Variants in NAPB observed in about 807,000 individuals in gnomAD.
NAPB encodes the protein NSF attachment protein beta.
NAPB carries 26 observed loss-of-function variants against 44.7 expected under a neutral mutation model. The observed-to-expected ratio is 0.58, with a 90% CI of 0.43 to 0.81. NAPB has a LOEUF of 0.81. Ranked by LOEUF, NAPB falls within the 30% of genes least tolerant of loss-of-function variation. The probability of loss-of-function intolerance (pLI) is 0.00; values close to 1 mark genes in which losing one functional copy is unlikely to be tolerated. For synonymous variants in NAPB, 120 were observed against 116.8 expected, an observed-to-expected ratio of 1.03 and a Z score of -0.18; for missense variants, 315 against 356.4, an observed-to-expected ratio of 0.88 and a Z score of 0.94.
In NAPB at chr20:23,381,466, A is replaced by G. The variant is rs1254568390; in HGVS notation, c.562-149T>C. The G allele has an allele frequency of 5.7e-6, 3 of 527,890 alleles. No homozygotes were observed. The African/African-American group carries it at 5.9e-5, about 10-fold the overall frequency. 32.7% of individuals were successfully genotyped at this position (527,890 alleles called of 1,614,324 possible). ...TTATTTTATCCGAATACCATATAGT[A>G]GAAATTTTACTAGACAAGACCATTA... On this transcript the variant is annotated intron_variant, in intron 7 of 10. Coordinates refer to ENST00000377026, the MANE Select transcript of NAPB (RefSeq NM_022080.3).
chr20:23,385,869 A>C (rs1408156503), intron 7 of NAPB, among the ~76,000 whole-genome samples: 3 of 152,254 alleles, frequency 2.0e-5, no homozygotes, highest in Non-Finnish European at 2.9e-5. Flanking sequence ...ATTTATAAAC[A>C]TCACCCAATA....
At chr20:23,390,366 A>C (rs1983857029) in intron 5 of NAPB, 102 bp from the exon 6 acceptor site, 1 of 962,262 alleles carries the variant, frequency 1.0e-6, no homozygotes, top group Non-Finnish European at 1.6e-6. Flanking sequence ...CTACTCTACC[A>C]GCAAACTTTT....
At chr20:23,389,231 T>TAAAAAAAAAAAAAAAAAAA (rs71330886) in intron 7 of NAPB, among the ~76,000 whole-genome samples, 1 of 115,402 alleles carries the variant, frequency 8.7e-6, no homozygotes, top group Non-Finnish European at 1.8e-5. Context: ...GACTATTATT[T>TAAAAAAAAAAAAAAAAAAA]AAAAAAAAAA....
chr20:23,420,939 T>C (rs1462955486), intron 1 of NAPB, among the ~76,000 whole-genome samples: 1 of 142,548 alleles, frequency 7.0e-6, no homozygotes, highest in Non-Finnish European at 1.5e-5. Context: ...GGGGGCGTGT[T>C]AGGGGATCCG....
chr20:23,399,111 G>A (rs1984628291), intron 2 of NAPB, among the ~76,000 whole-genome samples: 1 of 151,984 alleles, frequency 6.6e-6, no homozygotes, highest in Non-Finnish European at 1.5e-5. Context: ...TACAAACTCT[G>A]GAGCCCACCT....
At chr20:23,412,814 GGTGAAACCGT>G (rs1985750207) in intron 1 of NAPB, among the ~76,000 whole-genome samples, 1 of 152,150 alleles carries the variant, frequency 6.6e-6, no homozygotes, top group Admixed American at 6.5e-5. Context: ...TGGCCAACAC[GGTGAAACCGT>G]GTCTCTACTA....
At chr20:23,404,629 C>T (rs1447855454) in intron 1 of NAPB, among the ~76,000 whole-genome samples, 2 of 152,108 alleles carry the variant, frequency 1.3e-5, no homozygotes, top group African/African-American at 4.8e-5. Flanking sequence ...AGAAATAATC[C>T]ACATACAGCT....
intron 2 of NAPB, among the ~76,000 whole-genome samples, chr20:23,402,160 T>C (rs1001772179): frequency 1.5e-4 from 23 of 152,196 alleles, no homozygotes; most frequent in Non-Finnish European, 4.4e-5. Context: ...AAGCATTTTC[T>C]CCTTTGAAAT....
chr20:23,393,492 G>A (rs1389578949), intron 5 of NAPB, among the ~76,000 whole-genome samples: 1 of 152,062 alleles, frequency 6.6e-6, no homozygotes, highest in African/African-American at 2.4e-5. Flanking sequence ...TGGAGGTAGG[G>A]GTAGCATTTG....
In NAPB at chr20:23,379,480, G is replaced by A. The variant is rs753389997; in HGVS notation, c.751C>T (p.His251Tyr). 6.2e-7 allele frequency: 1 copy of A among 1,608,462 alleles called. No individual in the cohort carries two copies. Among genetic ancestry groups the A allele is most frequent in the Non-Finnish European group, 8.5e-7 (1 of 1,178,332 alleles). ...TAAGCTTCACTGTTCTGTTCTTCAT[G>A]AGCTTCTAGGAGTTTCTGGTAGCAT... ...CKLLKKLLEAHEEQNSEAYTE... is the reference protein window; with the variant it reads ...CKLLKKLLEAYEEQNSEAYTE... Residue 251 changes from histidine (H) to tyrosine (Y), a missense_variant, in exon 10 of 11, where the codon CAT becomes TAT. This residue lies in a region of NAPB where 120 missense variants were observed against 130.5 expected (regional missense o/e 0.92). Transcript: ENST00000377026.
chr20:23,393,976 A>G (rs981723253), intron 5 of NAPB, among the ~76,000 whole-genome samples: 1 of 152,150 alleles, frequency 6.6e-6, no homozygotes, highest in African/African-American at 2.4e-5. Context: ...ATGGCCATGC[A>G]GGGTATGCAA....
intron 1 of NAPB, among the ~76,000 whole-genome samples, chr20:23,419,934 A>G (rs1465885027): frequency 6.6e-6 from 1 of 152,232 alleles, no homozygotes; most frequent in African/African-American, 2.4e-5. Context: ...ATTTATAGCC[A>G]AAAGAATGAA....
chr20:23,386,163 G>A (rs1983503843), intron 7 of NAPB, among the ~76,000 whole-genome samples: 1 of 152,074 alleles, frequency 6.6e-6, no homozygotes, highest in African/African-American at 2.4e-5. Context: ...TTGGGAAGTA[G>A]CCAAATGTAT....
intron 5 of NAPB, among the ~76,000 whole-genome samples, chr20:23,390,482 T>C (rs926301142): frequency 6.6e-6 from 1 of 152,246 alleles, no homozygotes; most frequent in Non-Finnish European, 1.5e-5. Context: ...ACATGGCATA[T>C]GCCCAGCTAC....
intron 2 of NAPB, 148 bp downstream of exon 2, chr20:23,402,845 A>AT (rs1727266217): frequency 1.6e-6 from 1 of 634,528 alleles, no homozygotes; most frequent in African/African-American, 1.8e-5. Context: ...TAGTCTCCAT[A>AT]TGTCAGTAGC....
intron 10 of NAPB, 37 bp from the exon 11 acceptor site, chr20:23,377,523 TAAATACATTAAAAACAC>T: frequency 7.2e-7 from 1 of 1,385,946 alleles, no homozygotes; most frequent in Non-Finnish European, 1.0e-6. Context: ...TTACCCCATG[TAAATACATTAAAAACAC>T]AAAATAATAG....
intron 5 of NAPB, 56 bp from the exon 6 acceptor site, chr20:23,390,320 A>C (rs1983854254): frequency 1.4e-6 from 2 of 1,433,216 alleles, no homozygotes; most frequent in Non-Finnish European, 9.8e-7. Flanking sequence ...TGCATTTTAA[A>C]ACTACATTTG....
rs1384786585 is a variant in NAPB at position 23,375,789 on chromosome 20, C to T, written c.*1587G>A. 6 of 152,390 alleles carry T rather than the reference C, an allele frequency of 3.9e-5. No homozygotes were observed. The highest frequency in any genetic ancestry group is 1.4e-4 in the African/African-American group (6 of 41,448). 9.4% of individuals were successfully genotyped at this position (152,390 alleles called of 1,614,324 possible). A position where few individuals can be genotyped will look rare whatever the true frequency, so the allele number is the denominator to read the frequency against. The stretch of plus-strand genomic sequence containing the variant: ...CTCTGACATCACAGAGCTTCCTGCT[C>T]TACCAGCCCACCTCATGCATGTCAC... On this transcript the variant is annotated 3_prime_UTR_variant, in exon 11 of 11. Coordinates refer to ENST00000377026, the MANE Select transcript of NAPB (RefSeq NM_022080.3).
At chr20:23,400,057 T>TA (rs1568614206) in intron 2 of NAPB, among the ~76,000 whole-genome samples, 1 of 152,184 alleles carries the variant, frequency 6.6e-6, no homozygotes, top group African/African-American at 2.4e-5. Context: ...TGCTCAGTAA[T>TA]ACCACAACAC....
Sources: gnomAD v4.1 joint callset for allele counts (sites outside exome capture counted in the v4.1 genomes callset) on GRCh38, gnomAD v4.1.1 for gene constraint, gnomAD v4.1.1 regional missense constraint, MANE v1.5 for transcripts, NCBI Gene and HGNC (gene_info 2026-07-23, HGNC 2026-07-21) for gene names.